Variants in RTTN observed in about 807,000 individuals in gnomAD.
RTTN encodes rotatin.
Under a neutral mutation model 269.2 loss-of-function variants are expected in RTTN, and 182 were observed. That is an observed-to-expected ratio of 0.68 (90% confidence interval 0.60 to 0.76). The LOEUF is 0.76. Ranked by LOEUF, RTTN falls within the 30% of genes least tolerant of loss-of-function variation. RTTN has a pLI of 0.00. For synonymous variants in RTTN, 1,006 were observed against 963.5 expected (o/e 1.04, Z -0.82); for missense variants, 2,545 against 2,608.6 (o/e 0.98, Z 0.53).
intron 37 of RTTN, among the ~76,000 whole-genome samples, chr18:70,055,676 T>C (rs2057798187): frequency 6.6e-6 from 1 of 152,136 alleles, no homozygotes; most frequent in Admixed American, 6.5e-5. Flanking sequence ...TTACCATAAA[T>C]AGATAAACCA....
chr18:70,026,012 C>A (rs1157044162), intron 43 of RTTN, among the ~76,000 whole-genome samples: 1 of 152,168 alleles, frequency 6.6e-6, no homozygotes, highest in East Asian at 1.9e-4. Flanking sequence ...CAAACATACT[C>A]ATTTCCTTTC....
intron 28 of RTTN, among the ~76,000 whole-genome samples, chr18:70,095,237 T>C (rs1374252578): frequency 6.6e-6 from 1 of 152,128 alleles, no homozygotes; most frequent in African/African-American, 2.4e-5. Flanking sequence ...CACTGATAGG[T>C]CTTGCCTCTT....
intron 35 of RTTN, among the ~76,000 whole-genome samples, chr18:70,064,059 C>T (rs1187363249): frequency 6.1e-5 from 9 of 146,784 alleles, no homozygotes; most frequent in Non-Finnish European, 1.2e-4. Flanking sequence ...TATTTGTGGA[C>T]GGGCATGGTG....
intron 48 of RTTN, 23 bp from the exon 49 acceptor site, chr18:70,004,259 C>A (rs747110129): frequency 1.3e-6 from 2 of 1,539,364 alleles, no homozygotes; most frequent in Non-Finnish European, 1.8e-6. Flanking sequence ...AATAAGAGTA[C>A]AGAAATACTA....
rs144392822 is a variant in RTTN at position 70,029,999 on chromosome 18, C to T, written c.5745+13G>A. The T allele has an allele frequency of 5.0e-6, 8 of 1,591,962 alleles. No homozygotes were observed. The highest frequency in any genetic ancestry group is 6.9e-6 in the Non-Finnish European group (8 of 1,161,046). ...TCTCTATATATAGCCATTCATTTAT[C>T]CCAGAATGTTACCTTTTTTTTCAAT... On this transcript the variant is annotated intron_variant, in intron 42 of 48. Coordinates refer to ENST00000640769, the MANE Select transcript of RTTN (RefSeq NM_173630.4).
intron 28 of RTTN, among the ~76,000 whole-genome samples, chr18:70,107,610 AT>A (rs1360780170): frequency 6.6e-6 from 1 of 152,244 alleles, no homozygotes; most frequent in Non-Finnish European, 1.5e-5. Context: ...AAAAAAATCA[AT>A]GACGTAAGCC....
chr18:70,128,328 A>G, intron 24 of RTTN, 30 bp downstream of exon 24: 1 of 1,555,614 alleles, frequency 6.4e-7, no homozygotes, highest in South Asian at 1.2e-5. Context: ...ATTAATTGCA[A>G]ATGCTTTTTA....
chr18:70,095,705 A>G (rs2058984538), intron 28 of RTTN, among the ~76,000 whole-genome samples: 1 of 151,680 alleles, frequency 6.6e-6, no homozygotes, highest in African/African-American at 2.4e-5. Context: ...GGGTAACCCG[A>G]CCTCTCTGGC....
At chr18:70,020,909 A>C in intron 44 of RTTN, 92 bp from the exon 45 acceptor site, 1 of 1,046,738 alleles carries the variant, frequency 9.6e-7, no homozygotes, top group Non-Finnish European at 1.4e-6. Context: ...GTCTAACAAA[A>C]TGACTAGGCC....
Position 70,128,474 on chromosome 18 carries a change from A to G in RTTN, c.3027T>C (p.Ala1009=), listed in dbSNP as rs1051882302. The change falls in exon 24 of 49, where the codon GCT becomes GCC. Residue 1009 remains alanine, a synonymous_variant. Coordinates refer to ENST00000640769, the MANE Select transcript of RTTN (RefSeq NM_173630.4). ...SPYSIVLPLS[A]DCLALKPVSD... Reference sequence around the variant, plus strand: ...ACACCGGCTTCAAGGCCAAACAATCAGCAGATAAGGGCAAAACTATGGAGT... The same window carrying G: ...ACACCGGCTTCAAGGCCAAACAATCGGCAGATAAGGGCAAAACTATGGAGT... The G allele has an allele frequency of 3.1e-6, 5 of 1,613,300 alleles. No individual in the cohort carries two copies. Among genetic ancestry groups the G allele is most frequent in the Middle Eastern group, 1.7e-4 (1 of 6,056 alleles).
chr18:70,201,736 C>A (rs369987242), intron 4 of RTTN, among the ~76,000 whole-genome samples, 158 bp downstream of exon 4: 1 of 151,362 alleles, frequency 6.6e-6, no homozygotes, highest in Non-Finnish European at 1.5e-5. Context: ...CATTTCTACT[C>A]GATATCCTAA....
intron 28 of RTTN, among the ~76,000 whole-genome samples, chr18:70,098,469 C>T (rs1200554196): frequency 2.0e-5 from 3 of 152,004 alleles, no homozygotes; most frequent in Non-Finnish European, 4.4e-5. Flanking sequence ...GCTAGACTAA[C>T]TGAATTATAT....
intron 10 of RTTN, among the ~76,000 whole-genome samples, chr18:70,185,887 C>A (rs770928292): frequency 1.3e-5 from 2 of 151,716 alleles, no homozygotes; most frequent in Non-Finnish European, 2.9e-5. Context: ...AATGAGCAAT[C>A]CAAAAACTTT....
At chr18:70,113,684 A>G (rs1312137585) in intron 27 of RTTN, among the ~76,000 whole-genome samples, 2 of 152,194 alleles carry the variant, frequency 1.3e-5, no homozygotes, top group East Asian at 1.9e-4. Context: ...AAAACATGGC[A>G]TATCTATAAA....
intron 35 of RTTN, among the ~76,000 whole-genome samples, chr18:70,064,556 A>T (rs2058082090): frequency 6.6e-6 from 1 of 152,184 alleles, no homozygotes; most frequent in South Asian, 2.1e-4. Flanking sequence ...CCTTGAAAAC[A>T]GCACACTAAG....
chr18:70,074,129 T>C (rs927018513), intron 33 of RTTN, 135 bp from the exon 34 acceptor site: 9 of 487,640 alleles, frequency 1.8e-5, no homozygotes, highest in African/African-American at 8.2e-5. Flanking sequence ...GCTTCTGAGA[T>C]AGACCACTAT....
At chr18:70,187,113 A>G (rs184165336) in intron 10 of RTTN, among the ~76,000 whole-genome samples, 1 of 152,366 alleles carries the variant, frequency 6.6e-6, no homozygotes, top group East Asian at 1.9e-4. Flanking sequence ...TTCTTTGTAC[A>G]TAATTTATAT....
chr18:70,120,138 G>A (rs2059698674), intron 26 of RTTN, among the ~76,000 whole-genome samples: 1 of 152,048 alleles, frequency 6.6e-6, no homozygotes, highest in Admixed American at 6.6e-5. Flanking sequence ...GGAACTGATG[G>A]CTTTGTAAGA....
Position 70,005,235 on chromosome 18 carries a change from T to G in RTTN, c.6558A>C (p.Lys2186Asn). The change falls in exon 48 of 49, where the codon AAA (lysine) becomes AAC (asparagine). Residue 2186 changes from lysine to asparagine, a missense_variant. Transcript: ENST00000640769. ...AGGAGTATGCTTCATCCACTCTTCT[T>G]TTTACTGATGGGCTTTTCAAAGCTG... is the stretch of plus-strand genomic sequence containing the variant. ...AKTALKSPSVKRRVDEAYSLA... is the reference protein window; with the variant it reads ...AKTALKSPSVNRRVDEAYSLA... 1.2e-6 allele frequency: 2 copies of G among 1,612,980 alleles called. No individual in the cohort carries two copies. Among genetic ancestry groups the G allele is most frequent in the South Asian group, 1.1e-5 (1 of 90,944 alleles).
Sources: allele counts gnomAD v4.1 joint callset (sites outside exome capture counted in the v4.1 genomes callset), GRCh38; gene constraint gnomAD v4.1.1; transcripts MANE v1.5; gene names NCBI Gene and HGNC (gene_info 2026-07-23, HGNC 2026-07-21).